Variants in TBC1D5 observed in about 807,000 individuals in gnomAD.
TBC1D5 encodes the protein TBC1 domain family member 5.
TBC1D5 carries 75 observed loss-of-function variants against 100.3 expected under a neutral mutation model. The ratio of observed to expected loss-of-function variants is 0.75; its 90% CI spans 0.62 to 0.91. The LOEUF is 0.91. Among genes scored for constraint, TBC1D5 ranks in the 40% least tolerant of loss-of-function variants. The pLI is 0.00. For missense variants in TBC1D5, 910 were observed against 942.4 expected (o/e 0.97, Z 0.45); for synonymous variants, 323 against 325.6 (o/e 0.99, Z 0.09).
intron 17 of TBC1D5, among the ~76,000 whole-genome samples, chr3:17,219,889 T>C (rs2074086920): frequency 6.6e-6 from 1 of 152,122 alleles, no homozygotes; most frequent in Non-Finnish European, 1.5e-5. Context: ...TCACTGTTCT[T>C]ATGACTTTAT....
At chr3:17,326,091 T>C (rs530653506) in intron 13 of TBC1D5, among the ~76,000 whole-genome samples, 1 of 152,312 alleles carries the variant, frequency 6.6e-6, no homozygotes, top group East Asian at 1.9e-4. Flanking sequence ...AAGAAAAGAA[T>C]ATTAAATATC....
chr3:17,415,160 AT>A (rs1327450644), intron 4 of TBC1D5, among the ~76,000 whole-genome samples: 1 of 152,042 alleles, frequency 6.6e-6, no homozygotes, highest in Non-Finnish European at 1.5e-5. Flanking sequence ...TTTATTATTT[AT>A]TTATATATTT....
intron 2 of TBC1D5, among the ~76,000 whole-genome samples, chr3:17,592,562 A>G (rs988885722): frequency 3.3e-5 from 5 of 152,196 alleles, no homozygotes; most frequent in African/African-American, 4.8e-5. Context: ...GAGGCAATAC[A>G]TTCCTCATCT....
chr3:17,245,445 CCT>C (rs200021149), intron 16 of TBC1D5, among the ~76,000 whole-genome samples: 1,758 of 152,264 alleles, frequency 0.012, 35 homozygotes, highest in African/African-American at 0.041. Flanking sequence ...AGTACTTACT[CCT>C]TTAGAGTTGA....
At chr3:17,270,252 G>A (rs1437103109) in intron 15 of TBC1D5, among the ~76,000 whole-genome samples, 1 of 152,114 alleles carries the variant, frequency 6.6e-6, no homozygotes, top group Non-Finnish European at 1.5e-5. Flanking sequence ...CAGTGATGTT[G>A]AGCATTTTTT....
chr3:17,480,702 C>T (rs2150315575), intron 3 of TBC1D5, among the ~76,000 whole-genome samples: 1 of 152,252 alleles, frequency 6.6e-6, no homozygotes, highest in African/African-American at 2.4e-5. Flanking sequence ...CTCATTGGGA[C>T]TACCTGCCTT....
intron 2 of TBC1D5, among the ~76,000 whole-genome samples, chr3:17,549,377 G>A (rs1046703759): frequency 1.4e-4 from 21 of 152,146 alleles, no homozygotes; most frequent in Non-Finnish European, 2.6e-4. Flanking sequence ...ATGGTGCAGA[G>A]AATTGGTATT....
chr3:17,300,950 T>C (rs1441947429), intron 14 of TBC1D5, among the ~76,000 whole-genome samples: 1 of 151,470 alleles, frequency 6.6e-6, no homozygotes, highest in East Asian at 2.0e-4. Flanking sequence ...CATGCTCCTG[T>C]AATCCAGCTA....
intron 16 of TBC1D5, among the ~76,000 whole-genome samples, chr3:17,249,996 A>G (rs2077053985): frequency 6.6e-6 from 1 of 152,218 alleles, no homozygotes; most frequent in Non-Finnish European, 1.5e-5. Context: ...GACAGAGACA[A>G]AGTGAGCACA....
chr3:17,730,981 T>G (rs1326419107), intron 1 of TBC1D5, among the ~76,000 whole-genome samples: 1 of 151,998 alleles, frequency 6.6e-6, no homozygotes, highest in Admixed American at 6.6e-5. Flanking sequence ...TATTATAGTA[T>G]AGAGTATTTG....
intron 3 of TBC1D5, among the ~76,000 whole-genome samples, chr3:17,505,118 T>C (rs979309628): frequency 1.3e-5 from 2 of 152,166 alleles, no homozygotes; most frequent in African/African-American, 4.8e-5. Context: ...ACAGATAGTA[T>C]ATTAAAAGGC....
At chr3:17,602,256 C>A (rs1201827875) in intron 2 of TBC1D5, among the ~76,000 whole-genome samples, 1 of 152,150 alleles carries the variant, frequency 6.6e-6, no homozygotes, top group South Asian at 2.1e-4. Flanking sequence ...TAAAGTGACT[C>A]CCTTATCTGT....
chr3:17,458,701 C>T (rs1340224239), intron 3 of TBC1D5, among the ~76,000 whole-genome samples: 2 of 152,252 alleles, frequency 1.3e-5, no homozygotes, highest in East Asian at 1.9e-4. Context: ...GAGAAGTGGT[C>T]AAGGCAAGCT....
intron 1 of TBC1D5, among the ~76,000 whole-genome samples, chr3:17,691,637 T>A (rs1162516801): frequency 1.3e-5 from 2 of 152,054 alleles, no homozygotes; most frequent in Non-Finnish European, 2.9e-5. Context: ...GCCAACATGG[T>A]GAAACCTCGC....
intron 2 of TBC1D5, chr3:17,562,050 G>A (rs1258824722): frequency 1.3e-5 from 2 of 152,066 alleles, no homozygotes; most frequent in African/African-American, 2.4e-5. Flanking sequence ...AGGCCTAGAA[G>A]GGAGGATCCC....
At chr3:17,521,878 G>A (rs189209407) in intron 2 of TBC1D5, among the ~76,000 whole-genome samples, 14 of 152,168 alleles carry the variant, frequency 9.2e-5, no homozygotes, top group African/African-American at 3.4e-4. Context: ...GTGAAAATAT[G>A]TTGTAGTCCA....
In TBC1D5 at chr3:17,178,117, G is replaced by A. The variant is rs188059138; in HGVS notation, c.1852+6992C>T. ...GTCTCGCTCTGTCGCCCAGGCTGGA[G>A]TGCAGTGGCGCGATCTCGGCTCACT... On this transcript the variant is annotated intron_variant, in intron 19 of 21. Transcript: ENST00000253692. 8.4e-4 allele frequency among the ~76,000 whole-genome samples: 126 copies of A among 149,728 alleles called. 2 individuals are homozygous for A. The East Asian group carries it at 0.022, about 26-fold the overall frequency.
intron 1 of TBC1D5, among the ~76,000 whole-genome samples, chr3:17,651,469 C>T (rs1185675764): frequency 1.3e-5 from 2 of 152,126 alleles, no homozygotes; most frequent in Non-Finnish European, 2.9e-5. Flanking sequence ...TCAAAATGTT[C>T]CATACTTTGT....
chr3:17,506,282 C>T (rs1325408519), intron 3 of TBC1D5, among the ~76,000 whole-genome samples: 1 of 152,144 alleles, frequency 6.6e-6, no homozygotes, highest in Non-Finnish European at 1.5e-5. Flanking sequence ...GAAATAGATG[C>T]TTTATATAAA....
Sources: allele counts gnomAD v4.1 joint callset (sites outside exome capture counted in the v4.1 genomes callset), GRCh38; gene constraint gnomAD v4.1.1; transcripts MANE v1.5; gene names NCBI Gene and HGNC (gene_info 2026-07-23, HGNC 2026-07-21).